Variants in THRAP3 observed in about 807,000 individuals in gnomAD.
THRAP3 encodes thyroid hormone receptor-associated protein 3.
Under a neutral mutation model 101.0 loss-of-function variants are expected in THRAP3, and 16 were observed. That is an observed-to-expected ratio of 0.16 (90% CI 0.11 to 0.24). The LOEUF is 0.24. Among genes scored for constraint, THRAP3 ranks in the 10% least tolerant of loss-of-function variants. The pLI is 1.00. For missense variants in THRAP3, 989 were observed against 1,202.7 expected, an observed-to-expected ratio of 0.82 and a Z score of 2.63; for synonymous variants, 407 against 422.6, an observed-to-expected ratio of 0.96 and a Z score of 0.45.
At chr1:36,222,984 C>T (rs1251501871), upstream of THRAP3, among the ~76,000 whole-genome samples, 1 of 151,974 alleles carries the variant, frequency 6.6e-6, no homozygotes, top group Admixed American at 6.6e-5. Flanking sequence ...GAAAAATTAG[C>T]CGGGTGGTGG....
intron 2 of THRAP3, among the ~76,000 whole-genome samples, chr1:36,276,716 G>A (rs1645665297): frequency 2.0e-5 from 3 of 150,826 alleles, no homozygotes; most frequent in Non-Finnish European, 2.9e-5. Context: ...AATGAGCTGG[G>A]TGTGGTGTTG....
At chr1:36,220,972 AATATATATAT>A (rs1228406695), upstream of THRAP3, among the ~76,000 whole-genome samples, 51 of 94,112 alleles carry the variant, frequency 5.4e-4, no homozygotes, top group African/African-American at 2.0e-3. Flanking sequence ...AAAAAAAAAA[AATATATATAT>A]ATATATATAT....
chr1:36,294,572 T>G (rs1465542795), intron 8 of THRAP3, among the ~76,000 whole-genome samples: 1 of 152,236 alleles, frequency 6.6e-6, no homozygotes, highest in Non-Finnish European at 1.5e-5. Context: ...TGATCTTCAT[T>G]CACATATACA....
the THRAP3 span, among the ~76,000 whole-genome samples, chr1:36,218,494 A>G: frequency 1.4e-5 from 2 of 148,026 alleles, no homozygotes; most frequent in African/African-American, 5.0e-5. Context: ...AGGTGGGTGG[A>G]TCACAAGGTC....
intron 1 of THRAP3, among the ~76,000 whole-genome samples, chr1:36,230,930 A>G (rs555502312): frequency 6.6e-6 from 1 of 152,206 alleles, no homozygotes; most frequent in African/African-American, 2.4e-5. Flanking sequence ...TTTTGCAGCA[A>G]CCATCTTTTA....
intron 2 of THRAP3, among the ~76,000 whole-genome samples, chr1:36,259,784 A>T (rs761610137): frequency 5.0e-4 from 76 of 151,150 alleles, no homozygotes; most frequent in Non-Finnish European, 1.0e-3. Flanking sequence ...AAAAGAAAAG[A>T]AAAAGAATTG....
chr1:36,245,957 C>G (rs1003103497), intron 1 of THRAP3, among the ~76,000 whole-genome samples: 1 of 152,136 alleles, frequency 6.6e-6, no homozygotes, highest in African/African-American at 2.4e-5. Flanking sequence ...TGCTTACAGT[C>G]GTTCTAAGTA....
At position 36,286,340 on chromosome 1, in the gene THRAP3, A is replaced by T; in HGVS notation, c.138-28A>T. 1 of 1,534,350 alleles carries T rather than the reference A, an allele frequency of 6.5e-7. No homozygotes were observed. Among genetic ancestry groups the T allele is most frequent in the East Asian group, 2.3e-5 (1 of 44,014 alleles). ...AAAAATGCTTGTGTCAAAAATTCAAACATTTGTCTCTTTCCTTTCCATTCC... is the reference window on the plus strand; with the variant it reads ...AAAAATGCTTGTGTCAAAAATTCAATCATTTGTCTCTTTCCTTTCCATTCC... On this transcript the variant is annotated intron_variant, in intron 3 of 11. Coordinates refer to ENST00000354618, the MANE Select transcript of THRAP3 (RefSeq NM_005119.4). The surrounding 1 kb of genome is among the most constrained non-coding windows in gnomAD (Gnocchi z 5.5).
chr1:36,271,712 G>A (rs932758453), intron 2 of THRAP3, among the ~76,000 whole-genome samples: 5 of 146,680 alleles, frequency 3.4e-5, no homozygotes, highest in African/African-American at 1.3e-4. Context: ...TCCTGCCTCA[G>A]CCTCCTTAGT....
At chr1:36,269,735 T>C (rs922451585) in intron 2 of THRAP3, among the ~76,000 whole-genome samples, 1 of 151,104 alleles carries the variant, frequency 6.6e-6, no homozygotes, top group Non-Finnish European at 1.5e-5. Context: ...CATGCCCAGC[T>C]AATTTTTTTT....
At chr1:36,288,911 A>C in intron 4 of THRAP3, 149 bp from the exon 5 acceptor site, 1 of 1,298,314 alleles carries the variant, frequency 7.7e-7, no homozygotes, top group Non-Finnish European at 9.8e-7. Flanking sequence ...AATTATTACG[A>C]AGTAACCGCC....
chr1:36,227,979 G>A (rs1644981292), intron 1 of THRAP3, among the ~76,000 whole-genome samples: 1 of 151,390 alleles, frequency 6.6e-6, no homozygotes, highest in Non-Finnish European at 1.5e-5. Context: ...GGGTTCAAGC[G>A]ATTCTCCTGC....
chr1:36,223,411 C>A (rs1644919281), upstream of THRAP3, among the ~76,000 whole-genome samples: 1 of 152,200 alleles, frequency 6.6e-6, no homozygotes, highest in African/African-American at 2.4e-5. Context: ...CAAAACTGAT[C>A]TCGGCTCTCA....
At chr1:36,255,866 A>G (rs1645367770) in intron 1 of THRAP3, among the ~76,000 whole-genome samples, 1 of 152,110 alleles carries the variant, frequency 6.6e-6, no homozygotes, top group African/African-American at 2.4e-5. Flanking sequence ...TAGGAGATAC[A>G]AATGGTATGG....
chr1:36,261,059 G>A lies in THRAP3; in HGVS notation c.-32+1575G>A, dbSNP rs11802035. On this transcript the variant is annotated intron_variant, in intron 2 of 11. Transcript: ENST00000354618. Reference sequence around the variant, plus strand: ...ATTTCTCCCTAAACTCTAACCATAAGTGTAAATCTTCCACAATACATTTAA... The same window carrying A: ...ATTTCTCCCTAAACTCTAACCATAAATGTAAATCTTCCACAATACATTTAA... Among the ~76,000 whole-genome samples, 489 of 152,166 alleles carry A rather than the reference G, an allele frequency of 3.2e-3. 4 individuals are homozygous for A. The highest frequency in any genetic ancestry group is 0.011 in the African/African-American group (470 of 41,532).
chr1:36,224,202 T>A (rs988370270), upstream of THRAP3, among the ~76,000 whole-genome samples: 9 of 152,120 alleles, frequency 5.9e-5, no homozygotes, highest in Non-Finnish European at 1.0e-4. Context: ...CCCTCCTCCA[T>A]CTCCAGGCCA....
At chr1:36,302,110 A>T (rs1484259831) in intron 11 of THRAP3, among the ~76,000 whole-genome samples, 1 of 152,174 alleles carries the variant, frequency 6.6e-6, no homozygotes, top group African/African-American at 2.4e-5. Context: ...GAGGAAAGGG[A>T]TGTCTCTCCA....
chr1:36,288,843 A>T, intron 4 of THRAP3: 1 of 985,308 alleles, frequency 1.0e-6, no homozygotes, highest in Non-Finnish European at 1.2e-6. Flanking sequence ...AACTCCATGG[A>T]TCATATATTT....
chr1:36,293,747 A>G, intron 7 of THRAP3, 104 bp from the exon 8 acceptor site: 1 of 985,654 alleles, frequency 1.0e-6, no homozygotes. Context: ...AAACGTAAGG[A>G]AAAATAATGC....
Sources: allele counts gnomAD v4.1 joint callset (sites outside exome capture counted in the v4.1 genomes callset), GRCh38; gene constraint gnomAD v4.1.1; non-coding constraint Gnocchi (gnomAD v3.1); transcripts MANE v1.5; gene names NCBI Gene and HGNC (gene_info 2026-07-23, HGNC 2026-07-21).